Variants in GRAMD1B observed in about 807,000 individuals in gnomAD.
The protein encoded by GRAMD1B is GRAM domain containing 1B.
A neutral mutation model predicts 99.7 loss-of-function variants in GRAMD1B; 37 were observed. The observed-to-expected ratio is 0.37, with a 90% CI of 0.29 to 0.49. The LOEUF is 0.49. Among genes scored for constraint, GRAMD1B ranks in the 20% least tolerant of loss-of-function variants. The pLI is 0.98. For missense variants in GRAMD1B, 888 were observed against 1,009.2 expected (o/e 0.88, Z 1.63); for synonymous variants, 427 against 387.6 (o/e 1.10, Z -1.19).
chr11:123,431,220 C>T, intron 1 of GRAMD1B, 54 bp downstream of exon 1: 1 of 638,106 alleles, frequency 1.6e-6, no homozygotes, highest in Non-Finnish European at 2.8e-6. Flanking sequence ...TCTCCAGAGC[C>T]GTCCAGGGCC....
At chr11:123,486,421 C>T (rs892126098) in intron 2 of GRAMD1B, among the ~76,000 whole-genome samples, 11 of 151,992 alleles carry the variant, frequency 7.2e-5, no homozygotes, top group Admixed American at 2.6e-4. Flanking sequence ...TGGTGGCATG[C>T]GCCTGTGGTC....
chr11:123,442,035 G>C (rs2846307), intron 1 of GRAMD1B, among the ~76,000 whole-genome samples: 80,403 of 151,958 alleles, frequency 0.53, 21,838 homozygotes, highest in African/African-American at 0.63. Flanking sequence ...CTTTCTCACA[G>C]TCAACACAGA....
chr11:123,430,892 T>C lies in GRAMD1B; in HGVS notation c.100T>C (p.Ser34Pro). ...GGGCAGCCCGGTCTGGTCCAGTTCG[T>C]CGACCCCCACGCTTCGCCGCCGGCG... ...PEGSPVWSSSSTPTLRRRRFK... is the reference protein window; with the variant it reads ...PEGSPVWSSSPTPTLRRRRFK... The change falls in exon 1 of 20, where the codon TCG (serine) becomes CCG (proline). Residue 34 changes from serine (S) to proline (P), a missense_variant. By Grantham distance (74) the Ser-to-Pro change is moderately conservative. Coordinates refer to ENST00000635736, the MANE Select transcript of GRAMD1B (RefSeq NM_001387025.1). The C allele has an allele frequency of 1.4e-6, 1 of 702,446 alleles. No individual in the cohort carries two copies. The highest frequency in any genetic ancestry group is 1.5e-5 in the South Asian group (1 of 67,592). The allele number at this position is 702,446 out of a possible 1,614,324, so 43.5% of individuals were successfully genotyped here.
chr11:123,618,659 T>G (rs1954754983), intron 17 of GRAMD1B, 34 bp from the exon 18 acceptor site: 1 of 1,185,506 alleles, frequency 8.4e-7, no homozygotes, highest in Non-Finnish European at 1.2e-6. Flanking sequence ...GACATCTCAC[T>G]GCTGATGTTT....
At chr11:123,361,033 G>A (rs1237207517) in intron 1 of GRAMD1B, among the ~76,000 whole-genome samples, 3 of 152,014 alleles carry the variant, frequency 2.0e-5, no homozygotes, top group Non-Finnish European at 4.4e-5. Flanking sequence ...GGCCAGGCTG[G>A]TCTCGAACTC....
At chr11:123,544,187 C>T (rs1415386790) in intron 2 of GRAMD1B, among the ~76,000 whole-genome samples, 3 of 152,222 alleles carry the variant, frequency 2.0e-5, no homozygotes, top group African/African-American at 7.2e-5. Context: ...CTACAAGACA[C>T]ACATGGAGTG....
intron 2 of GRAMD1B, among the ~76,000 whole-genome samples, chr11:123,550,818 C>A (rs1031487522): frequency 6.6e-6 from 1 of 152,192 alleles, no homozygotes; most frequent in Non-Finnish European, 1.5e-5. Flanking sequence ...AGTGTGGTCA[C>A]TGGCCTGTCC....
At position 123,470,309 on chromosome 11, in the gene GRAMD1B, C is replaced by T. The variant is rs1950947901; in HGVS notation, c.375-10507C>T. Among the ~76,000 whole-genome samples, 3 of 152,314 alleles carry T rather than the reference C, an allele frequency of 2.0e-5. No individual in the cohort carries two copies. In the South Asian group the frequency reaches 6.2e-4, roughly 32 times the overall value. ...AGCTAACCATTTCTTATTTAGAAGA[C>T]AGTTACTACTTACAAAACTGCCGAG... is the stretch of plus-strand genomic sequence containing the variant. On this transcript the variant is annotated intron_variant, in intron 1 of 19. Coordinates refer to ENST00000635736, the MANE Select transcript of GRAMD1B (RefSeq NM_001387025.1).
chr11:123,454,245 C>G (rs1950013442), intron 1 of GRAMD1B, among the ~76,000 whole-genome samples: 1 of 152,220 alleles, frequency 6.6e-6, no homozygotes, highest in Non-Finnish European at 1.5e-5. Flanking sequence ...TTCCTGACAT[C>G]CTGTAGATAC....
Position 123,577,350 on chromosome 11 carries a change from T to G in GRAMD1B, c.453-17T>G. 3.2e-6 allele frequency: 5 copies of G among 1,562,030 alleles called. No homozygotes were observed. Among genetic ancestry groups the G allele is most frequent in the South Asian group, 1.2e-5 (1 of 84,810 alleles). The stretch of plus-strand genomic sequence containing the variant: ...TTCTCTTTCCACCCCGCTCCCTCTC[T>G]CCATCTGCCGCTGCAGCACTGCCAG... On this transcript the variant is annotated splice_polypyrimidine_tract_variant and intron_variant, in intron 2 of 19. Transcript: ENST00000635736.
chr11:123,579,751 G>C (rs551935633), intron 3 of GRAMD1B, among the ~76,000 whole-genome samples: 57 of 152,276 alleles, frequency 3.7e-4, no homozygotes, highest in Non-Finnish European at 6.2e-4. Flanking sequence ...CCTAAGCCTG[G>C]CTCTTGAGTA....
chr11:123,511,929 A>G (rs1282818370), intron 2 of GRAMD1B, among the ~76,000 whole-genome samples: 1 of 152,240 alleles, frequency 6.6e-6, no homozygotes, highest in Non-Finnish European at 1.5e-5. Flanking sequence ...CCTGGTCTGC[A>G]CAAAGGTGAA....
At chr11:123,366,050 G>T (rs926537659) in intron 1 of GRAMD1B, among the ~76,000 whole-genome samples, 1 of 152,164 alleles carries the variant, frequency 6.6e-6, no homozygotes, top group African/African-American at 2.4e-5. Context: ...CTATAAATTG[G>T]CTTTTTGAAG....
Position 123,367,440 on chromosome 11 carries a change from A to G in GRAMD1B, c.-176+8641A>G, listed in dbSNP as rs953404112. ...TGAGAAGGCTTTTTCAGAAGAGGTT[A>G]TATTTGAGCTGGGTTCTAAAAGGTG... is the stretch of plus-strand genomic sequence containing the variant. On this transcript the variant is annotated intron_variant, in intron 1 of 20. Transcript: ENST00000638157. 5.3e-5 allele frequency among the ~76,000 whole-genome samples: 8 copies of G among 152,202 alleles called. No individual in the cohort carries two copies. In the East Asian group the frequency reaches 1.2e-3, roughly 22 times the overall value.
chr11:123,610,510 T>C lies in GRAMD1B; in HGVS notation c.1919+172T>C, dbSNP rs1953396514. ...TCACCCACCACTCTGTTTGAGTTAA[T>C]TATTCTCTCCACTCTCTACATCTTG... On this transcript the variant is annotated intron_variant, in intron 14 of 19. Transcript: ENST00000635736. This position sits in a 1 kb window ranked among gnomAD's most constrained non-coding sequence, Gnocchi z 4.1. Among the ~76,000 whole-genome samples the C allele has an allele frequency of 6.6e-6, 1 of 152,226 alleles. No homozygotes were observed.
intron 2 of GRAMD1B, among the ~76,000 whole-genome samples, chr11:123,540,401 T>C (rs1159872067): frequency 6.6e-6 from 1 of 152,240 alleles, no homozygotes; most frequent in Non-Finnish European, 1.5e-5. Context: ...ATTTCTCTTT[T>C]ATTTTCTCAG....
chr11:123,558,457 G>A (rs975635243), intron 2 of GRAMD1B, among the ~76,000 whole-genome samples: 8 of 152,184 alleles, frequency 5.3e-5, no homozygotes, highest in African/African-American at 1.9e-4. Context: ...GTACCCAACC[G>A]TTCTCGGGTG....
At chr11:123,435,324 A>G in intron 1 of GRAMD1B, 1 of 665,082 alleles carries the variant, frequency 1.5e-6, no homozygotes, top group Non-Finnish European at 2.7e-6. Context: ...GGTAGAAGTT[A>G]AGTGGCTGAG....
At chr11:123,411,598 C>A (rs1185151397) in intron 1 of GRAMD1B, among the ~76,000 whole-genome samples, 1 of 152,162 alleles carries the variant, frequency 6.6e-6, no homozygotes, top group Non-Finnish European at 1.5e-5. Context: ...CCAATGACCA[C>A]TTGCACATTC....
Sources: allele counts gnomAD v4.1 joint callset (sites outside exome capture counted in the v4.1 genomes callset), GRCh38; gene constraint gnomAD v4.1.1; non-coding constraint Gnocchi (gnomAD v3.1); transcripts MANE v1.5; gene names NCBI Gene and HGNC (gene_info 2026-07-23, HGNC 2026-07-21).